The following LYST variants were observed in gnomAD, a reference collection of about 807,000 sequenced individuals.
The protein encoded by LYST is lysosomal trafficking regulator.
Under a neutral mutation model 413.6 loss-of-function variants are expected in LYST, and 192 were observed. The observed-to-expected ratio is 0.46, with a 90% confidence interval of 0.41 to 0.52. LYST has a LOEUF of 0.52. Ranked by LOEUF, LYST falls within the 20% of genes least tolerant of loss-of-function variation. The pLI is 0.00. For synonymous variants in LYST, 1,525 were observed against 1,567.3 expected, an observed-to-expected ratio of 0.97 and a Z score of 0.64; for missense variants, 3,815 against 4,499.9, an observed-to-expected ratio of 0.85 and a Z score of 4.35.
intron 52 of LYST, among the ~76,000 whole-genome samples, chr1:235,663,281 G>A (rs547824022): frequency 6.6e-6 from 1 of 152,262 alleles, no homozygotes; most frequent in East Asian, 1.9e-4. Flanking sequence ...GCTCATAAAT[G>A]CGGTGATATA....
chr1:235,809,129 C>A lies in LYST; in HGVS notation c.1689G>T (p.Gln563His). The change falls in exon 5 of 53, where the codon CAG (glutamine) becomes CAT (histidine). Residue 563 changes from glutamine (Q) to histidine (H), a missense_variant. By Grantham distance (24) the Gln-to-His change is conservative. Transcript: ENST00000389793. The surrounding 1 kb of genome is among the most constrained non-coding windows in gnomAD (Gnocchi z 4.0). The part of the protein sequence containing the change: ...CAHQCLRLLQ[Q>H]ASLSSTCVQI... ...GGACACAAGTGCTGCTCAAGGAAGC[C>A]TGCTGTAGTAAGCGCAAGCACTGAT... 1 of 1,614,064 alleles carries A rather than the reference C, an allele frequency of 6.2e-7. No homozygotes were observed. The highest frequency in any genetic ancestry group is 8.5e-7 in the Non-Finnish European group (1 of 1,179,976).
Position 235,791,981 on chromosome 1 carries a change from T to C in LYST, c.4261A>G (p.Lys1421Glu). Reference protein sequence around the residue: ...SQKYPGILNSKAMGLLRRARV... With the variant: ...SQKYPGILNSEAMGLLRRARV... ...GCTCTTCTCAATAAACCCATGGCCT[T>C]ACTGTTTAAAATCCCAGGATACTTT... is the stretch of plus-strand genomic sequence containing the variant. The change falls in exon 12 of 53, where the codon AAG (lysine) becomes GAG (glutamate). Residue 1421 changes from lysine to glutamate, a missense_variant. By Grantham distance (56) the Lys-to-Glu change is moderately conservative (BLOSUM62 1). Coordinates refer to ENST00000389793, the MANE Select transcript of LYST (RefSeq NM_000081.4). The C allele has an allele frequency of 1.2e-6, 2 of 1,614,150 alleles. No homozygotes were observed. Among genetic ancestry groups the C allele is most frequent in the Non-Finnish European group, 1.7e-6 (2 of 1,180,004 alleles).
At chr1:235,827,507 A>T in intron 3 of LYST, 1 of 980,266 alleles carries the variant, frequency 1.0e-6, no homozygotes, top group South Asian at 4.7e-5. Context: ...CCTAAAACAT[A>T]CAACTATGTG....
chr1:235,796,505 A>G (rs887335879), intron 10 of LYST, among the ~76,000 whole-genome samples: 4 of 152,210 alleles, frequency 2.6e-5, no homozygotes, highest in African/African-American at 9.7e-5. Flanking sequence ...AAAATACGCA[A>G]ATAGCTAAAA....
At chr1:235,755,187 AGACCAGCCT>A (rs1349894320) in intron 25 of LYST, among the ~76,000 whole-genome samples, 3 of 150,286 alleles carry the variant, frequency 2.0e-5, no homozygotes, top group Admixed American at 6.7e-5. Context: ...CAGGAGTTTG[AGACCAGCCT>A]GGCCAACATG....
intron 1 of LYST, among the ~76,000 whole-genome samples, chr1:235,846,673 GA>G (rs1158318955): frequency 1.3e-5 from 2 of 151,384 alleles, no homozygotes; most frequent in East Asian, 1.9e-4. Context: ...ATAGCATAAA[GA>G]AAAAAAACAA....
intron 3 of LYST, among the ~76,000 whole-genome samples, chr1:235,819,774 T>C (rs1389897886): frequency 6.6e-6 from 1 of 152,162 alleles, no homozygotes; most frequent in Admixed American, 6.5e-5. Flanking sequence ...GCCTCCCAAG[T>C]AGCTGGGATT....
chr1:235,832,079 A>T (rs1676055937), intron 2 of LYST, among the ~76,000 whole-genome samples: 1 of 152,196 alleles, frequency 6.6e-6, no homozygotes, highest in Admixed American at 6.5e-5. Context: ...TACTAACGTC[A>T]TTCTATAAAT....
chr1:235,775,154 A>G (rs1199810712), intron 17 of LYST, 68 bp from the exon 18 acceptor site: 1 of 1,115,708 alleles, frequency 9.0e-7, no homozygotes, highest in African/African-American at 1.5e-5. Flanking sequence ...AACATGTATA[A>G]TCTTCCATTC....
Position 235,841,398 on chromosome 1 carries a change from G to A in LYST, c.-97-7731C>T, listed in dbSNP as rs183261972. ...TATAAGAAATAAGAGGTGGTGCGGC[G>A]TGGCCAGCCATCTCCTATCAGCTCT... On this transcript the variant is annotated intron_variant, in intron 1 of 52. Transcript: ENST00000389793. Among the ~76,000 whole-genome samples the A allele has an allele frequency of 7.2e-5, 11 of 152,242 alleles. No individual in the cohort carries two copies. In the East Asian group the frequency reaches 7.7e-4, roughly 11 times the overall value.
chr1:235,663,632 A>G (rs1658199752), intron 52 of LYST, among the ~76,000 whole-genome samples: 1 of 152,238 alleles, frequency 6.6e-6, no homozygotes, highest in South Asian at 2.1e-4. Flanking sequence ...CTAAGCAAAG[A>G]GTAACTGATT....
Position 235,825,565 on chromosome 1 carries a change from T to A in LYST, c.192+4661A>T, listed in dbSNP as rs1028617937. Among the ~76,000 whole-genome samples the A allele has an allele frequency of 2.3e-4, 35 of 152,096 alleles. 1 individual carries two copies. ...AACAAACAACAGGAAAATAAAAAAATTTAAATACCATTTATAATAGCATCA... is the reference window on the plus strand; with the variant it reads ...AACAAACAACAGGAAAATAAAAAAAATTAAATACCATTTATAATAGCATCA... On this transcript the variant is annotated intron_variant, in intron 3 of 52. Transcript: ENST00000389793.
chr1:235,682,649 G>T (rs1659915408), intron 48 of LYST, among the ~76,000 whole-genome samples: 1 of 152,276 alleles, frequency 6.6e-6, no homozygotes, highest in South Asian at 2.1e-4. Flanking sequence ...TCGGATGAAA[G>T]AATATAGAGA....
intron 50 of LYST, among the ~76,000 whole-genome samples, chr1:235,667,667 C>CT (rs1228482858): frequency 3.4e-3 from 498 of 146,256 alleles, no homozygotes; most frequent in African/African-American, 8.6e-3. Flanking sequence ...CTCCTGTATT[C>CT]TTTTTTTTTT....
In LYST at chr1:235,777,148, T is replaced by A. The variant is rs1207829782; in HGVS notation, c.5375A>T (p.Asn1792Ile). The change falls in exon 17 of 53, where the codon AAT becomes ATT. Residue 1792 changes from asparagine (N) to isoleucine (I), a missense_variant. Asn to Ile is a moderately radical substitution (Grantham distance 149, BLOSUM62 -3). Around this residue, in one of 4 missense-constraint regions of LYST, gnomAD observed 530 missense variants for 696.5 expected, o/e 0.76. Coordinates refer to ENST00000389793, the MANE Select transcript of LYST (RefSeq NM_000081.4). ...AGTTTTATATTCAGTAGGTTGGAGATTCTTTAGATGATGAGGTTCTAATAA... is the reference window on the plus strand; with the variant it reads ...AGTTTTATATTCAGTAGGTTGGAGAATCTTTAGATGATGAGGTTCTAATAA... ...SILLEPHHLKNLQPTEYKTIQ... is the reference protein window; with the variant it reads ...SILLEPHHLKILQPTEYKTIQ... 3.7e-6 allele frequency: 6 copies of A among 1,613,330 alleles called. No homozygotes were observed. The highest frequency in any genetic ancestry group is 5.1e-6 in the Non-Finnish European group (6 of 1,179,538).
chr1:235,746,573 G>A (rs755445009), intron 28 of LYST, 46 bp from the exon 29 acceptor site: 20 of 1,431,750 alleles, frequency 1.4e-5, no homozygotes, highest in Non-Finnish European at 1.8e-5. Flanking sequence ...GTGTTAATAA[G>A]GATCAAGGAA....
chr1:235,815,974 A>G (rs1018620241), intron 3 of LYST, among the ~76,000 whole-genome samples: 4 of 151,366 alleles, frequency 2.6e-5, no homozygotes, highest in Non-Finnish European at 5.9e-5. Flanking sequence ...TACTAAAAAT[A>G]CAAAAATTAG....
At chr1:235,862,802 AACAAACAC>A (rs1383041019) in intron 1 of LYST, among the ~76,000 whole-genome samples, 10 of 98,296 alleles carry the variant, frequency 1.0e-4, no homozygotes, top group South Asian at 4.0e-4. Flanking sequence ...TCTCAAAACA[AACAAACAC>A]ACACACACAC....
upstream of LYST, among the ~76,000 whole-genome samples, chr1:235,871,675 G>C (rs1296164859): frequency 6.6e-6 from 1 of 152,224 alleles, no homozygotes; most frequent in Non-Finnish European, 1.5e-5. Flanking sequence ...AAGGTAGTGA[G>C]TTCTTCCTTT....
Sources: gnomAD v4.1 joint callset for allele counts (sites outside exome capture counted in the v4.1 genomes callset) on GRCh38, gnomAD v4.1.1 for gene constraint, gnomAD v4.1.1 regional missense constraint, Gnocchi (gnomAD v3.1) non-coding constraint, MANE v1.5 for transcripts, NCBI Gene and HGNC (gene_info 2026-07-23, HGNC 2026-07-21) for gene names.